ARV1: variants seen among roughly 807,000 people sequenced by gnomAD.
The protein encoded by ARV1 is ARV1 fatty acid homeostasis modulator.
In ARV1, 26 loss-of-function variants were observed where a neutral mutation model predicts 31.1. The observed-to-expected ratio is 0.84, with a 90% CI of 0.61 to 1.16. ARV1 has a LOEUF of 1.16. Among genes scored for constraint, ARV1 ranks in the 50% most tolerant of loss-of-function variants. The pLI is 0.00. For synonymous variants in ARV1, 117 were observed against 123.2 expected, an observed-to-expected ratio of 0.95 and a Z score of 0.34; for missense variants, 281 against 324.9, an observed-to-expected ratio of 0.86 and a Z score of 1.04.
chr1:230,983,383 A>C (rs936792387), intron 1 of ARV1, among the ~76,000 whole-genome samples: 2 of 147,404 alleles, frequency 1.4e-5, no homozygotes, highest in African/African-American at 2.5e-5. Context: ...ACTGCACTCC[A>C]GCCTGGATGA....
Position 230,997,190 on chromosome 1 carries a change from TG to T in ARV1, c.745del (p.Val249SerfsTer35). 6.2e-7 allele frequency: 1 copy of T among 1,613,940 alleles called. No homozygotes were observed. Among genetic ancestry groups the T allele is most frequent in the South Asian group, 1.1e-5 (1 of 91,074 alleles). On this transcript the variant is annotated frameshift_variant, in exon 5 of 6. Coordinates refer to ENST00000310256, the MANE Select transcript of ARV1 (RefSeq NM_022786.3). LOFTEE classifies it high-confidence loss of function. The part of the protein sequence containing the change: ...VLSGLLLESI[M>X]VYFFQSMEWD... The stretch of plus-strand genomic sequence containing the variant: ...AGTGGCTTACTGCTGGAAAGCATCA[TG>T]GTCTACTTCTTCCAGAGTATGGAAT...
At chr1:230,995,495 C>T (rs544555461) in intron 3 of ARV1, among the ~76,000 whole-genome samples, 1 of 150,910 alleles carries the variant, frequency 6.6e-6, no homozygotes, top group Non-Finnish European at 1.5e-5. Flanking sequence ...TTGATGATTA[C>T]AATTCTAATG....
At chr1:230,988,289 C>A (rs1213338557) in intron 1 of ARV1, 31 bp from the exon 2 acceptor site, 8 of 1,566,056 alleles carry the variant, frequency 5.1e-6, no homozygotes, top group African/African-American at 4.1e-5. Flanking sequence ...TATACATTTG[C>A]TTGTTCTAAT....
rs768560845 is a variant in ARV1 at position 230,995,875 on chromosome 1, C to T, written c.564C>T (p.Tyr188=). Residue 188 remains tyrosine (Y), a synonymous_variant, in exon 4 of 6, where the codon TAC becomes TAT. Transcript: ENST00000310256. ...TGAAAGCATTATTATTATCTAGCTA[C>T]GGAAAACTCTTGCTGATTCCAGCTG... ...LLLKALLLSS[Y]GKLLLIPAVI... 9.3e-6 allele frequency: 15 copies of T among 1,613,958 alleles called. No homozygotes were observed. The highest frequency in any genetic ancestry group is 1.7e-5 in the Admixed American group (1 of 59,996).
rs74143528 is a variant in ARV1 at position 230,985,771 on chromosome 1, G to A, written c.175-2549G>A. ...GAAAGGAAGGAGATGTGTTCCATGTGAGTAGCCAAGGGAGACCTATCAAAC... is the reference window on the plus strand; with the variant it reads ...GAAAGGAAGGAGATGTGTTCCATGTAAGTAGCCAAGGGAGACCTATCAAAC... On this transcript the variant is annotated intron_variant, in intron 1 of 5. Coordinates refer to ENST00000310256, the MANE Select transcript of ARV1 (RefSeq NM_022786.3). Among the ~76,000 whole-genome samples the A allele has an allele frequency of 9.6e-3, 1,468 of 152,248 alleles. 24 individuals are homozygous for A. The highest frequency in any genetic ancestry group is 0.033 in the African/African-American group (1,384 of 41,538).
Position 230,997,159 on chromosome 1 carries a change from G to A in ARV1, c.712G>A (p.Val238Met), listed in dbSNP as rs1347711366. 9.3e-6 allele frequency: 15 copies of A among 1,613,884 alleles called. No homozygotes were observed. The African/African-American group carries it at 9.3e-5, about 10-fold the overall frequency. ...CAACCGTAAGCTCTCCTTCTTGGCC[G>A]TGTTGAGTGGCTTACTGCTGGAAAG... ...NINRKLSFLA[V>M]LSGLLLESIM... Residue 238 changes from valine (V) to methionine (M), a missense_variant, in exon 5 of 6, where the codon GTG becomes ATG. By Grantham distance (21) the Val-to-Met change is conservative. Transcript: ENST00000310256.
intron 5 of ARV1, among the ~76,000 whole-genome samples, chr1:230,999,424 T>A (rs1244082260): frequency 6.6e-6 from 1 of 152,214 alleles, no homozygotes; most frequent in Non-Finnish European, 1.5e-5. Context: ...GGGGGCCTTC[T>A]CAATTTTTCC....
intron 1 of ARV1, among the ~76,000 whole-genome samples, chr1:230,980,511 A>G (rs1678852781): frequency 6.6e-6 from 1 of 151,840 alleles, no homozygotes; most frequent in African/African-American, 2.4e-5. Context: ...TAATTTTTGT[A>G]TTTTTAGTAG....
chr1:230,991,548 G>T (rs60631802), intron 3 of ARV1, among the ~76,000 whole-genome samples: 3,712 of 151,886 alleles, frequency 0.024, 152 homozygotes, highest in African/African-American at 0.084. Flanking sequence ...AAACCTTGCA[G>T]TCATCCCTGA....
chr1:230,982,490 G>A (rs535166269), intron 1 of ARV1, among the ~76,000 whole-genome samples: 1 of 152,304 alleles, frequency 6.6e-6, no homozygotes, highest in African/African-American at 2.4e-5. Context: ...AATAATTATT[G>A]GATAGCTGTT....
intron 1 of ARV1, among the ~76,000 whole-genome samples, chr1:230,987,337 CA>C (rs1445988918): frequency 6.6e-6 from 1 of 152,222 alleles, no homozygotes; most frequent in Non-Finnish European, 1.5e-5. Context: ...CCTCGGGTTA[CA>C]AACTGCAGAA....
intron 2 of ARV1, among the ~76,000 whole-genome samples, chr1:230,989,230 C>T (rs151225824): frequency 1.3e-3 from 195 of 152,250 alleles, no homozygotes; most frequent in African/African-American, 4.4e-3. Flanking sequence ...CCTCTACCTC[C>T]TGGGTTCAAG....
intron 3 of ARV1, among the ~76,000 whole-genome samples, chr1:230,991,523 G>C (rs1465352611): frequency 6.6e-6 from 1 of 151,788 alleles, no homozygotes; most frequent in Admixed American, 6.6e-5. Flanking sequence ...CATTCTTTTA[G>C]TTGCATTCAC....
chr1:230,983,238 C>A (rs1678961174), intron 1 of ARV1, among the ~76,000 whole-genome samples: 1 of 151,920 alleles, frequency 6.6e-6, no homozygotes, highest in South Asian at 2.1e-4. Flanking sequence ...CACGGTGAAA[C>A]CCCATCTCTC....
Position 230,979,509 on chromosome 1 carries a change from G to C in ARV1, c.174+230G>C, listed in dbSNP as rs1678765435. ...CCTAAGCCGGCGAACGGACCGGACC[G>C]ACAGACAGAGGTAGATGTGGGCATT... On this transcript the variant is annotated intron_variant, in intron 1 of 5. Transcript: ENST00000310256. The C allele has an allele frequency of 7.8e-6, 4 of 513,794 alleles. 1 individual carries two copies. The East Asian group carries it at 1.5e-4, about 19-fold the overall frequency. 31.8% of individuals were successfully genotyped at this position (513,794 alleles called of 1,614,324 possible).
chr1:230,988,794 A>G (rs1243806185), intron 2 of ARV1, among the ~76,000 whole-genome samples: 1 of 152,260 alleles, frequency 6.6e-6, no homozygotes, highest in African/African-American at 2.4e-5. Context: ...TTAAGCAAAC[A>G]TTAAAAGAAA....
chr1:230,986,017 C>T (rs768598666), intron 1 of ARV1, among the ~76,000 whole-genome samples: 2 of 151,830 alleles, frequency 1.3e-5, no homozygotes, highest in Non-Finnish European at 2.9e-5. Flanking sequence ...CCTGGGTTCA[C>T]GCCCCATTCT....
chr1:230,988,052 C>A (rs922263406), intron 1 of ARV1, among the ~76,000 whole-genome samples: 6 of 152,204 alleles, frequency 3.9e-5, no homozygotes, highest in African/African-American at 1.2e-4. Context: ...CCTGCCTAAA[C>A]TCAGTCTTTA....
chr1:230,991,849 C>T (rs1023223926), intron 3 of ARV1, among the ~76,000 whole-genome samples: 1 of 152,054 alleles, frequency 6.6e-6, no homozygotes, highest in Admixed American at 6.6e-5. Flanking sequence ...AGGCTGGTCT[C>T]GAACTTCTGA....
Sources: gnomAD v4.1 joint callset for allele counts (sites outside exome capture counted in the v4.1 genomes callset) on GRCh38, gnomAD v4.1.1 for gene constraint, MANE v1.5 for transcripts, NCBI Gene and HGNC (gene_info 2026-07-23, HGNC 2026-07-21) for gene names.